Variants in CDK6 observed in about 807,000 individuals in gnomAD.
The protein encoded by CDK6 is cyclin dependent kinase 6.
Under a neutral mutation model 37.1 loss-of-function variants are expected in CDK6, and 6 were observed. The ratio of observed to expected loss-of-function variants is 0.16; its 90% CI spans 0.09 to 0.32. The LOEUF is 0.32. Among genes scored for constraint, CDK6 ranks in the 10% least tolerant of loss-of-function variants. The pLI is 1.00. For synonymous variants in CDK6, 160 were observed against 161.3 expected (o/e 0.99, Z 0.06); for missense variants, 224 against 418.9 (o/e 0.53, Z 4.06).
chr7:92,768,294 A>T (rs1447863627), intron 3 of CDK6, among the ~76,000 whole-genome samples: 5 of 152,198 alleles, frequency 3.3e-5, no homozygotes, highest in Non-Finnish European at 7.4e-5. Flanking sequence ...GCCTTGAAAG[A>T]TCTACTATAC....
chr7:92,829,483 A>T (rs1801422301), intron 2 of CDK6, among the ~76,000 whole-genome samples: 1 of 152,194 alleles, frequency 6.6e-6, no homozygotes, highest in East Asian at 1.9e-4. Flanking sequence ...TATGGTGATC[A>T]TCTTATTCCT....
chr7:92,650,041 T>C (rs1585368387), intron 5 of CDK6, among the ~76,000 whole-genome samples: 1 of 152,250 alleles, frequency 6.6e-6, no homozygotes, highest in African/African-American at 2.4e-5. Context: ...CTCCCCTTTG[T>C]ATAGTTTTTT....
At chr7:92,665,198 A>G (rs1310102891) in intron 5 of CDK6, among the ~76,000 whole-genome samples, 1 of 152,140 alleles carries the variant, frequency 6.6e-6, no homozygotes, top group African/African-American at 2.4e-5. Flanking sequence ...ACCAATAGAT[A>G]CCTGGGGAGT....
intron 2 of CDK6, among the ~76,000 whole-genome samples, chr7:92,826,318 T>C (rs931107196): frequency 6.6e-6 from 1 of 152,088 alleles, no homozygotes; most frequent in Non-Finnish European, 1.5e-5. Context: ...AGGGGACAGA[T>C]ACAAGCTAAG....
intron 4 of CDK6, among the ~76,000 whole-genome samples, chr7:92,686,394 C>T (rs1291464076): frequency 6.6e-6 from 1 of 152,132 alleles, no homozygotes; most frequent in East Asian, 1.9e-4. Context: ...TCCTGAGTTA[C>T]TTCACTTAGA....
chr7:92,765,042 C>G (rs1173997150), intron 3 of CDK6, among the ~76,000 whole-genome samples: 6 of 152,054 alleles, frequency 3.9e-5, no homozygotes, highest in African/African-American at 1.4e-4. Context: ...TATAGTACTT[C>G]AAAGATTTAA....
chr7:92,771,413 C>G (rs1799716260), intron 3 of CDK6, among the ~76,000 whole-genome samples: 2 of 151,732 alleles, frequency 1.3e-5, no homozygotes, highest in South Asian at 4.2e-4. Context: ...CTATGCAAGA[C>G]AATGTCAATA....
chr7:92,774,416 T>A (rs1238594462), intron 3 of CDK6, among the ~76,000 whole-genome samples: 1 of 152,210 alleles, frequency 6.6e-6, no homozygotes, highest in Admixed American at 6.5e-5. Context: ...TACAACTAAG[T>A]ATTTTTAAAT....
At position 92,625,874 on chromosome 7, in the gene CDK6, G is replaced by A. The variant is rs555966056; in HGVS notation, c.648-2788C>T. Among the ~76,000 whole-genome samples the A allele has an allele frequency of 2.6e-5, 4 of 152,114 alleles. No individual in the cohort carries two copies. In the South Asian group the frequency reaches 8.3e-4, roughly 32 times the overall value. The stretch of plus-strand genomic sequence containing the variant: ...GTACTCAAAAGACAAGGAAGTCATG[G>A]GTTAACCTATAGAACACCTTTGTAA... On this transcript the variant is annotated intron_variant, in intron 5 of 7. Transcript: ENST00000424848.
intron 4 of CDK6, 149 bp from the exon 5 acceptor site, chr7:92,671,684 T>A (rs906457540): frequency 2.4e-6 from 1 of 415,910 alleles, no homozygotes; most frequent in Admixed American, 4.4e-5. Context: ...AATAGGTAAA[T>A]AGGACTCATC....
chr7:92,784,695 C>T (rs998944956), intron 2 of CDK6, among the ~76,000 whole-genome samples: 2 of 152,178 alleles, frequency 1.3e-5, no homozygotes, highest in South Asian at 4.1e-4. Flanking sequence ...GACAGAGTAG[C>T]AAACTAAAGA....
At chr7:92,622,799 G>C (rs1437804285) in intron 6 of CDK6, among the ~76,000 whole-genome samples, 1 of 151,720 alleles carries the variant, frequency 6.6e-6, no homozygotes, top group African/African-American at 2.4e-5. Flanking sequence ...AGAAAGAGGA[G>C]CAGCAAAAAG....
At chr7:92,653,205 C>T (rs1796615249) in intron 5 of CDK6, among the ~76,000 whole-genome samples, 1 of 152,162 alleles carries the variant, frequency 6.6e-6, no homozygotes, top group African/African-American at 2.4e-5. Context: ...TGGATTGTCT[C>T]CCCTTTCACC....
At chr7:92,675,798 A>G (rs1797189317) in intron 4 of CDK6, among the ~76,000 whole-genome samples, 1 of 152,194 alleles carries the variant, frequency 6.6e-6, no homozygotes, top group African/African-American at 2.4e-5. Context: ...TTTAGAAGCC[A>G]ATTTTCGTAA....
chr7:92,815,463 C>T (rs1801004553), intron 2 of CDK6, among the ~76,000 whole-genome samples: 1 of 152,122 alleles, frequency 6.6e-6, no homozygotes, highest in Non-Finnish European at 1.5e-5. Context: ...TCTTACCTGC[C>T]AGAAACAACT....
intron 4 of CDK6, among the ~76,000 whole-genome samples, chr7:92,702,375 G>T (rs954253536): frequency 6.6e-6 from 1 of 151,292 alleles, no homozygotes; most frequent in African/African-American, 2.4e-5. Context: ...TGGGATTACA[G>T]GTGTGTACCA....
chr7:92,789,267 T>G (rs939502732), intron 2 of CDK6, among the ~76,000 whole-genome samples: 1 of 152,170 alleles, frequency 6.6e-6, no homozygotes, highest in Non-Finnish European at 1.5e-5. Flanking sequence ...TTTTTGCCAA[T>G]AGATCTGCCC....
At chr7:92,639,539 T>G (rs1796253907) in intron 5 of CDK6, among the ~76,000 whole-genome samples, 1 of 152,208 alleles carries the variant, frequency 6.6e-6, no homozygotes, top group African/African-American at 2.4e-5. Flanking sequence ...TTGGAGTCAG[T>G]GTCTTAGGCA....
intron 2 of CDK6, among the ~76,000 whole-genome samples, chr7:92,783,117 T>C (rs1800037894): frequency 6.6e-6 from 1 of 152,036 alleles, no homozygotes; most frequent in African/African-American, 2.4e-5. Flanking sequence ...GATCTGACCA[T>C]AGAGACACTG....
Sources: gnomAD v4.1 joint callset for allele counts (sites outside exome capture counted in the v4.1 genomes callset) on GRCh38, gnomAD v4.1.1 for gene constraint, MANE v1.5 for transcripts, NCBI Gene and HGNC (gene_info 2026-07-23, HGNC 2026-07-21) for gene names.